MFSD6L: variants seen among roughly 807,000 people sequenced by gnomAD.
MFSD6L encodes the protein major facilitator superfamily domain-containing protein 6-like.
In MFSD6L, 9 loss-of-function variants were observed where a neutral mutation model predicts 6.4. That is an observed-to-expected ratio of 1.42 (90% CI 0.85 to 2.47). The LOEUF (loss-of-function observed/expected upper bound fraction) is 2.47, where lower values mean the gene tolerates loss of function less well. Among genes scored for constraint, MFSD6L ranks in the 30% most tolerant of loss-of-function variants. MFSD6L has a pLI of 0.00. For synonymous variants in MFSD6L, 336 were observed against 322.4 expected (o/e 1.04, Z -0.45); for missense variants, 747 against 730.6 (o/e 1.02, Z -0.26).
rs143470572 is a variant in MFSD6L, at chr17:8,798,137, C to T, written c.984G>A (p.Ser328=). The T allele has an allele frequency of 8.1e-6, 13 of 1,613,754 alleles. No individual in the cohort carries two copies. Among genetic ancestry groups the T allele is most frequent in the South Asian group, 3.3e-5 (3 of 91,078 alleles). The change falls in exon 1 of 1, where the codon TCG becomes TCA. Residue 328 remains serine, a synonymous_variant. Transcript: ENST00000329805. Reference sequence around the variant, plus strand: ...CCAGTAAGGCCAGGGTGCTGACCACCGAGTACCCATAGAAGTGGACCACAC... The same window carrying T: ...CCAGTAAGGCCAGGGTGCTGACCACTGAGTACCCATAGAAGTGGACCACAC... ...PRGVVHFYGY[S]VVSTLALLVS... is the part of the protein sequence containing the mutation.
At position 8,798,037 on chromosome 17, in the gene MFSD6L, C is replaced by T; in HGVS notation, c.1084G>A (p.Val362Met). Residue 362 changes from valine to methionine, a missense_variant, in exon 1 of 1, where the codon GTG (valine) becomes ATG (methionine). Val to Met is a conservative substitution (Grantham distance 21, BLOSUM62 1). Transcript: ENST00000329805. ...AGAATGAGGTGGGGGTCACCCCCCACAATGGACAGTGCTTTGACCCTTTTG... is the reference window on the plus strand; with the variant it reads ...AGAATGAGGTGGGGGTCACCCCCCATAATGGACAGTGCTTTGACCCTTTTG... Reference protein sequence around the residue: ...SYKRVKALSIVGGDPHLILLA... With the variant: ...SYKRVKALSIMGGDPHLILLA... 1 of 1,614,104 alleles carries T rather than the reference C, an allele frequency of 6.2e-7. No individual in the cohort carries two copies. Among genetic ancestry groups the T allele is most frequent in the Non-Finnish European group, 8.5e-7 (1 of 1,180,034 alleles).
rs1567554409 is a variant in MFSD6L at position 8,798,687 on chromosome 17, GTCCTCT to G, written c.428_433del (p.Lys143_Arg144del). The G allele has an allele frequency of 6.2e-7, 1 of 1,614,148 alleles. No homozygotes were observed. The highest frequency in any genetic ancestry group is 2.2e-5 in the East Asian group (1 of 44,876). The stretch of plus-strand genomic sequence containing the variant: ...GAAGCCAGGCATTTCCACCTCTGCA[GTCCTCT>G]TGGCTGGGTGGCTGGAGGCAGACTC... On this transcript the variant is annotated inframe_deletion, in exon 1 of 1. Transcript: ENST00000329805.
At position 8,799,284 on chromosome 17, in the gene MFSD6L, G is replaced by A; in HGVS notation, c.-164C>T. 9.6e-6 allele frequency: 5 copies of A among 521,902 alleles called. No homozygotes were observed. The highest frequency in any genetic ancestry group is 4.6e-5 in the South Asian group (1 of 21,702). 32.3% of individuals were successfully genotyped at this position (521,902 alleles called of 1,614,324 possible). ...CGCCGCGGTCACCAGGTCAACGGCCGCCCCCGGCCACAGCCCCCAGGTCCT... is the reference window on the plus strand; with the variant it reads ...CGCCGCGGTCACCAGGTCAACGGCCACCCCCGGCCACAGCCCCCAGGTCCT... On this transcript the variant is annotated 5_prime_UTR_variant, in exon 1 of 1. Coordinates refer to ENST00000329805, the MANE Select transcript of MFSD6L (RefSeq NM_152599.4). The surrounding 1 kb of genome is among the most constrained non-coding windows in gnomAD (Gnocchi z 5.3).
In MFSD6L at chr17:8,797,217, T is replaced by C. The variant is rs150940602; in HGVS notation, c.*143A>G. 298 of 577,174 alleles carry C rather than the reference T, an allele frequency of 5.2e-4. 1 individual carries two copies. In the East Asian group the frequency reaches 9.2e-3, roughly 18 times the overall value. The allele number at this position is 577,174 out of a possible 1,614,324, so 35.8% of individuals were successfully genotyped here. A position where few individuals can be genotyped will look rare whatever the true frequency, so the allele number is the denominator to read the frequency against. On this transcript the variant is annotated 3_prime_UTR_variant, in exon 1 of 1. Coordinates refer to ENST00000329805, the MANE Select transcript of MFSD6L (RefSeq NM_152599.4). ...TAAAGAAAATCATGCAATGAGATGA[T>C]CCTGTTGGGCCTTCAGCACAGACCC...
chr17:8,798,910 T>G lies in MFSD6L; in HGVS notation c.211A>C (p.Lys71Gln). ...FWAPVCAFLA[K>Q]SYRKRRALLI... ...AGCGCTCTCCTTTTCCGGTAGCTTT[T>G]GGCCAGGAAGGCACAGACGGGAGCC... The change falls in exon 1 of 1, where the codon AAA (lysine) becomes CAA (glutamine). Residue 71 changes from lysine (K) to glutamine (Q), a missense_variant. By Grantham distance (53) the Lys-to-Gln change is moderately conservative. Coordinates refer to ENST00000329805, the MANE Select transcript of MFSD6L (RefSeq NM_152599.4). 6.2e-7 allele frequency: 1 copy of G among 1,613,994 alleles called. No individual in the cohort carries two copies. The highest frequency in any genetic ancestry group is 2.2e-5 in the East Asian group (1 of 44,866).
In MFSD6L at chr17:8,797,998, T is replaced by C. The variant is rs1011829137; in HGVS notation, c.1123A>G (p.Thr375Ala). 2.5e-6 allele frequency: 4 copies of C among 1,613,106 alleles called. No homozygotes were observed. The East Asian group carries it at 8.9e-5, about 36-fold the overall frequency. ...DPHLILLAST[T>A]VLVGAIVSTV... ...CTGACGATGGCTCCTACCAAAACAG[T>C]GGTGGAGGCGAGGAGAATGAGGTGG... The change falls in exon 1 of 1, where the codon ACT (threonine) becomes GCT (alanine). Residue 375 changes from threonine to alanine, a missense_variant. By Grantham distance (58) the Thr-to-Ala change is moderately conservative. Transcript: ENST00000329805.
Position 8,797,161 on chromosome 17 carries a change from C to G in MFSD6L, c.*199G>C, listed in dbSNP as rs2087005842. The G allele has an allele frequency of 6.4e-6, 3 of 470,812 alleles. No homozygotes were observed. The South Asian group carries it at 1.9e-4, about 30-fold the overall frequency. 29.2% of individuals were successfully genotyped at this position (470,812 alleles called of 1,614,324 possible). ...TCCTCCATTATCTAAAAAAGATTGG[C>G]AAAAAGTTAAATCTCCTTTTACTTC... On this transcript the variant is annotated 3_prime_UTR_variant, in exon 1 of 1. Transcript: ENST00000329805.
rs754698272 is a variant in MFSD6L, at chr17:8,797,816, C to G, written c.1305G>C (p.Gly435=). The G allele has an allele frequency of 1.7e-5, 28 of 1,613,868 alleles. No individual in the cohort carries two copies. In the Admixed American group the frequency reaches 3.2e-4, roughly 18 times the overall value. ...GCCCAGCGAGGCAGCTCAGCCCCAG[C>G]CCCACCAGGCCCGTCCTGGACAGTT... The part of the protein sequence containing the change: ...LRKLSRTGLV[G]LGLSCLAGQL... Residue 435 remains glycine (G), a synonymous_variant, in exon 1 of 1, where the codon GGG becomes GGC. Coordinates refer to ENST00000329805, the MANE Select transcript of MFSD6L (RefSeq NM_152599.4).
rs749727387 is a variant in MFSD6L at position 8,798,477 on chromosome 17, C to G, written c.644G>C (p.Gly215Ala). 6.2e-6 allele frequency: 10 copies of G among 1,607,118 alleles called. No individual in the cohort carries two copies. Among genetic ancestry groups the G allele is most frequent in the African/African-American group, 2.7e-5 (2 of 74,722 alleles). Residue 215 changes from glycine (G) to alanine (A), a missense_variant, in exon 1 of 1, where the codon GGG (glycine) becomes GCG (alanine). Physicochemically the swap from Gly to Ala is moderately conservative, Grantham distance 60. Transcript: ENST00000329805. ...VVKTALPLLP[G>A]GKGPGNPANL... is the part of the protein sequence containing the mutation. Reference sequence around the variant, plus strand: ...GGCTGGATTCCCGGGCCCTTTCCCCCCAGGAAGCAAGGGGAGGGCTGTCTT... The same window carrying G: ...GGCTGGATTCCCGGGCCCTTTCCCCGCAGGAAGCAAGGGGAGGGCTGTCTT...
In MFSD6L at chr17:8,798,071, C is replaced by G. The variant is rs1352329789; in HGVS notation, c.1050G>C (p.Glu350Asp). Residue 350 changes from glutamate to aspartate, a missense_variant, in exon 1 of 1, where the codon GAG (glutamate) becomes GAC (aspartate). Glu to Asp is a conservative substitution (Grantham distance 45). Transcript: ENST00000329805. ...GTGCTTTGACCCTTTTGTAGCTGGGCTCCCACTGCTGACAGATGGGAATGG... is the reference window on the plus strand; with the variant it reads ...GTGCTTTGACCCTTTTGTAGCTGGGGTCCCACTGCTGACAGATGGGAATGG... ...AFPIPICQQW[E>D]PSYKRVKALS... is the part of the protein sequence containing the mutation. 9 of 1,614,030 alleles carry G rather than the reference C, an allele frequency of 5.6e-6. No homozygotes were observed. Among genetic ancestry groups the G allele is most frequent in the South Asian group, 5.5e-5 (5 of 91,084 alleles).
In MFSD6L at chr17:8,798,258, C is replaced by T. The variant is rs146139420; in HGVS notation, c.863G>A (p.Trp288Ter). 48 of 1,608,968 alleles carry T rather than the reference C, an allele frequency of 3.0e-5. No individual in the cohort carries two copies. The highest frequency in any genetic ancestry group is 4.1e-5 in the Non-Finnish European group (48 of 1,180,012). Residue 288 changes from tryptophan to a stop codon, truncating the protein, a stop_gained, in exon 1 of 1, where the codon TGG becomes TAG. Transcript: ENST00000329805. LOFTEE classifies it low-confidence loss of function (END_TRUNC). ...CGACATGCCCAGCAACCTCCAGACC[C>T]ACAGGCTTCTGTATCGGTCAGTGGC... is the stretch of plus-strand genomic sequence containing the variant. The part of the protein sequence containing the change: ...VDATDRYRSL[W>*]VWRLLGMSAG...
At position 8,797,873 on chromosome 17, in the gene MFSD6L, C is replaced by T; in HGVS notation, c.1248G>A (p.Leu416=). ...SVALSLLGEI[L]LHPFKATLLR... The stretch of plus-strand genomic sequence containing the variant: ...GCAATGTAGCTTTGAACGGATGAAG[C>T]AGAATTTCCCCCAGCAAGCTGAGGG... The change falls in exon 1 of 1, where the codon CTG becomes CTA. Residue 416 remains leucine, a synonymous_variant. Coordinates refer to ENST00000329805, the MANE Select transcript of MFSD6L (RefSeq NM_152599.4). 1 of 1,614,040 alleles carries T rather than the reference C, an allele frequency of 6.2e-7. No homozygotes were observed.
rs1220761824 is a variant in MFSD6L, at chr17:8,798,478, C to A, written c.643G>T (p.Gly215Trp). The A allele has an allele frequency of 6.8e-6, 11 of 1,607,158 alleles. No homozygotes were observed. The highest frequency in any genetic ancestry group is 9.4e-6 in the Non-Finnish European group (11 of 1,175,860). The change falls in exon 1 of 1, where the codon GGG becomes TGG. Residue 215 changes from glycine (G) to tryptophan (W), a missense_variant. Transcript: ENST00000329805. ...GCTGGATTCCCGGGCCCTTTCCCCCCAGGAAGCAAGGGGAGGGCTGTCTTG... is the reference window on the plus strand; with the variant it reads ...GCTGGATTCCCGGGCCCTTTCCCCCAAGGAAGCAAGGGGAGGGCTGTCTTG... ...VVKTALPLLP[G>W]GKGPGNPANL...
Position 8,799,103 on chromosome 17 carries a change from C to T in MFSD6L, c.18G>A (p.Arg6=), listed in dbSNP as rs747824752. ...CCCCCAGCGCCCTGCTGATGTCCCA[C>T]CGGGGGTTGGCACTCATGGCTGCCG... The part of the protein sequence containing the change: MSANP[R]WDISRALGVA... Residue 6 remains arginine, a synonymous_variant, in exon 1 of 1, where the codon CGG becomes CGA. Coordinates refer to ENST00000329805, the MANE Select transcript of MFSD6L (RefSeq NM_152599.4). This position sits in a 1 kb window ranked among gnomAD's most constrained non-coding sequence, Gnocchi z 5.3. The T allele has an allele frequency of 6.4e-7, 1 of 1,567,972 alleles. No individual in the cohort carries two copies. Among genetic ancestry groups the T allele is most frequent in the Admixed American group, 1.8e-5 (1 of 54,774 alleles).
rs2087023822 is a variant in MFSD6L, at chr17:8,799,005, C to T, written c.116G>A (p.Arg39Lys). Reference protein sequence around the residue: ...CVTPFLTLYLRQLGLAAPWVG... With the variant: ...CVTPFLTLYLKQLGLAAPWVG... ...CCAGGGCGCGGCCAAGCCCAGCTGC[C>T]TCAGGTAAAGGGTCAGGAACGGGGT... Residue 39 changes from arginine (R) to lysine (K), a missense_variant, in exon 1 of 1, where the codon AGG becomes AAG. By Grantham distance (26) the Arg-to-Lys change is conservative. Transcript: ENST00000329805. This position sits in a 1 kb window ranked among gnomAD's most constrained non-coding sequence, Gnocchi z 5.3. 1.2e-6 allele frequency: 2 copies of T among 1,613,774 alleles called. No individual in the cohort carries two copies. Among genetic ancestry groups the T allele is most frequent in the Non-Finnish European group, 8.5e-7 (1 of 1,179,998 alleles).
rs769001944 is a variant in MFSD6L at position 8,799,017 on chromosome 17, G to A, written c.104C>T (p.Thr35Ile). Reference protein sequence around the residue: ...VREACVTPFLTLYLRQLGLAA... With the variant: ...VREACVTPFLILYLRQLGLAA... Reference sequence around the variant, plus strand: ...CAAGCCCAGCTGCCTCAGGTAAAGGGTCAGGAACGGGGTCACGCAGGCTTC... The same window carrying A: ...CAAGCCCAGCTGCCTCAGGTAAAGGATCAGGAACGGGGTCACGCAGGCTTC... The change falls in exon 1 of 1, where the codon ACC (threonine) becomes ATC (isoleucine). Residue 35 changes from threonine (T) to isoleucine (I), a missense_variant. By Grantham distance (89) the Thr-to-Ile change is moderately conservative. Coordinates refer to ENST00000329805, the MANE Select transcript of MFSD6L (RefSeq NM_152599.4). The surrounding 1 kb of genome is among the most constrained non-coding windows in gnomAD (Gnocchi z 5.3). The A allele has an allele frequency of 6.2e-7, 1 of 1,613,710 alleles. No homozygotes were observed. Among genetic ancestry groups the A allele is most frequent in the Non-Finnish European group, 8.5e-7 (1 of 1,179,972 alleles).
At position 8,797,298 on chromosome 17, in the gene MFSD6L, T is replaced by A. The variant is rs1283536015; in HGVS notation, c.*62A>T. The A allele has an allele frequency of 1.3e-6, 2 of 1,484,162 alleles. No individual in the cohort carries two copies. The highest frequency in any genetic ancestry group is 9.0e-7 in the Non-Finnish European group (1 of 1,109,004). 91.9% of individuals were successfully genotyped at this position (1,484,162 alleles called of 1,614,324 possible). On this transcript the variant is annotated 3_prime_UTR_variant, in exon 1 of 1. Coordinates refer to ENST00000329805, the MANE Select transcript of MFSD6L (RefSeq NM_152599.4). The stretch of plus-strand genomic sequence containing the variant: ...GGGCAGGTTTCTGTCCTCAGCAGGC[T>A]GAGTTTTGTTCAGTCCATTCGTTCC...
rs772101753 is a variant in MFSD6L, at chr17:8,798,173, A to G, written c.948T>C (p.Ser316=). Residue 316 remains serine, a synonymous_variant, in exon 1 of 1, where the codon AGT becomes AGC. Coordinates refer to ENST00000329805, the MANE Select transcript of MFSD6L (RefSeq NM_152599.4). ...VGQLDCFLMT[S]GPRGVVHFYG... ...AGAAGTGGACCACACCTCGGGGGCC[A>G]CTGGTCATCAGGAAGCAGTCCAGCT... The G allele has an allele frequency of 6.2e-7, 1 of 1,613,154 alleles. No individual in the cohort carries two copies. The highest frequency in any genetic ancestry group is 1.1e-5 in the South Asian group (1 of 91,064).
rs1237165135 is a variant in MFSD6L at position 8,798,315 on chromosome 17, T to C, written c.806A>G (p.Asp269Gly). 1.2e-6 allele frequency: 2 copies of C among 1,608,650 alleles called. No individual in the cohort carries two copies. The highest frequency in any genetic ancestry group is 3.3e-5 in the Admixed American group (2 of 60,012). The change falls in exon 1 of 1, where the codon GAC becomes GGC. Residue 269 changes from aspartate to glycine, a missense_variant. Transcript: ENST00000329805. ...AAAATCCAGGAACTCATAAAGGCTGTCATCTGCCACCTGCTCCAGAGGCGC... is the reference window on the plus strand; with the variant it reads ...AAAATCCAGGAACTCATAAAGGCTGCCATCTGCCACCTGCTCCAGAGGCGC... Reference protein sequence around the residue: ...LTAPLEQVADDSLYEFLDFVD... With the variant: ...LTAPLEQVADGSLYEFLDFVD...
Sources: allele counts gnomAD v4.1 joint callset, GRCh38; gene constraint gnomAD v4.1.1; non-coding constraint Gnocchi (gnomAD v3.1); transcripts MANE v1.5; gene names NCBI Gene and HGNC (gene_info 2026-07-23, HGNC 2026-07-21).